Variants in SLC38A10 observed in about 807,000 individuals in gnomAD.
The protein encoded by SLC38A10 is Sodium-coupled neutral amino acid transporter 10.
Under a neutral mutation model 81.0 loss-of-function variants are expected in SLC38A10, and 53 were observed. The ratio of observed to expected loss-of-function variants is 0.65; its 90% CI spans 0.53 to 0.82. SLC38A10 has a LOEUF of 0.82. Ranked by LOEUF, SLC38A10 falls within the 40% of genes least tolerant of loss-of-function variation. The pLI is 0.00. For synonymous variants in SLC38A10, 665 were observed against 655.3 expected, an observed-to-expected ratio of 1.01 and a Z score of -0.23; for missense variants, 1,471 against 1,545.0, an observed-to-expected ratio of 0.95 and a Z score of 0.80.
intron 14 of SLC38A10, among the ~76,000 whole-genome samples, chr17:81,249,562 G>C (rs1471619800): frequency 9.9e-6 from 1 of 100,530 alleles, no homozygotes; most frequent in African/African-American, 4.8e-5. Flanking sequence ...AGAGGGGGAG[G>C]GGGGAAGGAG....
Position 81,248,009 on chromosome 17 carries a change from G to C in SLC38A10, c.2066-948C>G, listed in dbSNP as rs1299922899. Among the ~76,000 whole-genome samples, 8 of 129,310 alleles carry C rather than the reference G, an allele frequency of 6.2e-5. No homozygotes were observed. The South Asian group carries it at 1.0e-3, about 17-fold the overall frequency. 84.8% of individuals were successfully genotyped at this position (129,310 alleles called of 152,430 possible). On this transcript the variant is annotated intron_variant, in intron 14 of 15. Transcript: ENST00000374759. ...GTCTCACTCTGTCACCCAGGCTGGA[G>C]TGCAGTGGCGCGATCTCAGCTCACT...
At position 81,252,214 on chromosome 17, in the gene SLC38A10, G is replaced by A. The variant is rs137924826; in HGVS notation, c.1926C>T (p.Pro642=). The change falls in exon 13 of 16, where the codon CCC becomes CCT. Residue 642 remains proline (P), a synonymous_variant. Transcript: ENST00000374759. ...ACCCACCGTGGTCGCTGTCCTCTGC[G>A]GGCTGCCCTGTGTCCCCGGCGGCGT... ...PGNAAGDTGQ[P]AEDSDHGGKP... 2.3e-3 allele frequency: 3,544 copies of A among 1,524,090 alleles called. 6 individuals are homozygous for A. Among genetic ancestry groups the A allele is most frequent in the Non-Finnish European group, 2.8e-3 (3,213 of 1,140,006 alleles). 94.4% of individuals were successfully genotyped at this position (1,524,090 alleles called of 1,614,324 possible).
intron 1 of SLC38A10, among the ~76,000 whole-genome samples, chr17:81,291,145 G>A (rs1296403062): frequency 1.3e-5 from 2 of 152,110 alleles, no homozygotes; most frequent in East Asian, 3.9e-4. Flanking sequence ...CGGGGGCGCT[G>A]CACTTTCCAG....
rs2063337868 is a variant in SLC38A10, at chr17:81,295,052, GC to G, written c.-132del. 3 of 1,333,378 alleles carry G rather than the reference GC, an allele frequency of 2.2e-6. No individual in the cohort carries two copies. In the African/African-American group the frequency reaches 4.7e-5, roughly 21 times the overall value. The allele number at this position is 1,333,378 out of a possible 1,614,324, so 82.6% of individuals were successfully genotyped here. On this transcript the variant is annotated 5_prime_UTR_variant, in exon 1 of 16. Transcript: ENST00000374759. ...GACGCCGGTGGGGAGGGGATGGGCA[GC>G]CTGAACACGGGAGCCTGAGCAGGCG...
rs2062843461 is a variant in SLC38A10 at position 81,245,797 on chromosome 17, T to A, written c.3119A>T (p.Asp1040Val). ...QRPDNAKPNR[D>V]LKLQAGSDLR... Reference sequence around the variant, plus strand: ...GTCGGAGCCAGCCTGCAGTTTCAGGTCCCGGTTGGGCTTGGCATTGTCCGG... The same window carrying A: ...GTCGGAGCCAGCCTGCAGTTTCAGGACCCGGTTGGGCTTGGCATTGTCCGG... Residue 1040 changes from aspartate to valine, a missense_variant, in exon 16 of 16, where the codon GAC (aspartate) becomes GTC (valine). Physicochemically the swap from Asp to Val is radical, Grantham distance 152. Transcript: ENST00000374759. The A allele has an allele frequency of 6.2e-7, 1 of 1,602,388 alleles. No homozygotes were observed. Among genetic ancestry groups the A allele is most frequent in the African/African-American group, 1.3e-5 (1 of 74,810 alleles).
At chr17:81,280,060 A>G (rs2146941961) in intron 6 of SLC38A10, 1 of 419,324 alleles carries the variant, frequency 2.4e-6, no homozygotes, top group East Asian at 7.5e-5. Context: ...TCAGCCGGTT[A>G]CCATGTTCCA....
intron 14 of SLC38A10, among the ~76,000 whole-genome samples, chr17:81,250,680 A>G (rs572285485): frequency 6.6e-6 from 1 of 152,358 alleles, no homozygotes; most frequent in South Asian, 2.1e-4. Flanking sequence ...CACCAAATGC[A>G]CGTGACTTTT....
rs532846220 is a variant in SLC38A10, at chr17:81,282,390, C to T, written c.358-58G>A. ...GCCCGTGCCTGCTCACCACCGGGCT[C>T]TCTGCACTGACAGGGAGTGGGAGCG... On this transcript the variant is annotated intron_variant, in intron 4 of 15. Transcript: ENST00000374759. The T allele has an allele frequency of 2.5e-5, 39 of 1,554,154 alleles. No individual in the cohort carries two copies. In the African/African-American group the frequency reaches 3.7e-4, roughly 15 times the overall value.
rs1044310219 is a variant in SLC38A10 at position 81,286,154 on chromosome 17, G to T, written c.218-1259C>A. On this transcript the variant is annotated intron_variant, in intron 2 of 15. Coordinates refer to ENST00000374759, the MANE Select transcript of SLC38A10 (RefSeq NM_001037984.3). This position sits in a 1 kb window ranked among gnomAD's most constrained non-coding sequence, Gnocchi z 6.0. ...AACGCCCTCCACACCCCTCAGTGACGGCACAGCCCGGAAGCAACAAAACAC... is the reference window on the plus strand; with the variant it reads ...AACGCCCTCCACACCCCTCAGTGACTGCACAGCCCGGAAGCAACAAAACAC... Among the ~76,000 whole-genome samples the T allele has an allele frequency of 6.6e-6, 1 of 152,170 alleles. No homozygotes were observed. Among genetic ancestry groups the T allele is most frequent in the Non-Finnish European group, 1.5e-5 (1 of 68,024 alleles).
rs890823623 is a variant in SLC38A10 at position 81,281,118 on chromosome 17, A to G, written c.502-385T>C. On this transcript the variant is annotated intron_variant, in intron 5 of 15. Coordinates refer to ENST00000374759, the MANE Select transcript of SLC38A10 (RefSeq NM_001037984.3). This position sits in a 1 kb window ranked among gnomAD's most constrained non-coding sequence, Gnocchi z 5.3. ...CTCCCCATCTTGTACTGTGTTAGAC[A>G]TGGACATTTTCCAAAAGACTGGCCC... is the stretch of plus-strand genomic sequence containing the variant. 1.3e-5 allele frequency among the ~76,000 whole-genome samples: 2 copies of G among 152,174 alleles called. No homozygotes were observed. Among genetic ancestry groups the G allele is most frequent in the African/African-American group, 4.8e-5 (2 of 41,446 alleles).
At chr17:81,251,233 G>A in intron 14 of SLC38A10, 1 of 1,452,524 alleles carries the variant, frequency 6.9e-7, no homozygotes, top group Non-Finnish European at 9.2e-7. Flanking sequence ...GAGCAAGGGA[G>A]ATAAAACGGT....
At chr17:81,263,442 A>T (rs2063041633) in intron 10 of SLC38A10, 1 of 152,364 alleles carries the variant, frequency 6.6e-6, no homozygotes, top group Non-Finnish European at 1.5e-5. Flanking sequence ...CACTCGGGAC[A>T]AGCCCCCGGC....
At chr17:81,249,421 G>A (rs955595835) in intron 14 of SLC38A10, among the ~76,000 whole-genome samples, 2 of 152,102 alleles carry the variant, frequency 1.3e-5, no homozygotes, top group Admixed American at 6.5e-5. Context: ...GAGGGAAGAG[G>A]AGGGAGAAGG....
chr17:81,247,153 A>G, intron 14 of SLC38A10, 92 bp from the exon 15 acceptor site: 1 of 1,344,150 alleles, frequency 7.4e-7, no homozygotes, highest in Non-Finnish European at 9.9e-7. Context: ...GGCAACGCAC[A>G]GGTCACCTGC....
Position 81,281,591 on chromosome 17 carries a change from A to G in SLC38A10, c.501+598T>C, listed in dbSNP as rs555357452. ...GGAGTTCGAGACCAGCCTGGCCAAG[A>G]TGGTGAAACCCCTTCTCTACTAAAA... On this transcript the variant is annotated intron_variant, in intron 5 of 15. Transcript: ENST00000374759. The surrounding 1 kb of genome is among the most constrained non-coding windows in gnomAD (Gnocchi z 5.3). Among the ~76,000 whole-genome samples, 2 of 152,212 alleles carry G rather than the reference A, an allele frequency of 1.3e-5. No individual in the cohort carries two copies. The highest frequency in any genetic ancestry group is 2.1e-4 in the South Asian group (1 of 4,820).
chr17:81,268,672 C>A (rs1375231769), intron 10 of SLC38A10, among the ~76,000 whole-genome samples: 8 of 151,772 alleles, frequency 5.3e-5, no homozygotes, highest in Admixed American at 5.2e-4. Context: ...TAGAAATGTA[C>A]CAACAAGCCA....
At position 81,252,403 on chromosome 17, in the gene SLC38A10, T is replaced by C; in HGVS notation, c.1737A>G (p.Lys579=). 6.2e-7 allele frequency: 1 copy of C among 1,613,182 alleles called. No homozygotes were observed. Among genetic ancestry groups the C allele is most frequent in the Non-Finnish European group, 8.5e-7 (1 of 1,180,012 alleles). ...EAGDLPEDPQ[K]VPEADGQPAV... is the part of the protein sequence containing the mutation. ...CTGGCTGACCATCTGCTTCTGGAAC[T>C]TTCTGGGGATCTTCAGGAAGATCAC... The change falls in exon 13 of 16, where the codon AAA becomes AAG. Residue 579 remains lysine, a synonymous_variant. Coordinates refer to ENST00000374759, the MANE Select transcript of SLC38A10 (RefSeq NM_001037984.3).
chr17:81,280,480 G>A, intron 6 of SLC38A10, 129 bp downstream of exon 6: 1 of 1,399,118 alleles, frequency 7.1e-7, no homozygotes, highest in Non-Finnish European at 9.6e-7. Flanking sequence ...GGTCATCACT[G>A]AACAAGACAT....
chr17:81,253,616 T>C lies in SLC38A10; in HGVS notation c.1289-376A>G, dbSNP rs1189920549. Among the ~76,000 whole-genome samples the C allele has an allele frequency of 1.3e-5, 2 of 150,302 alleles. No homozygotes were observed. Among genetic ancestry groups the C allele is most frequent in the Admixed American group, 6.6e-5 (1 of 15,130 alleles). On this transcript the variant is annotated intron_variant, in intron 11 of 15. Transcript: ENST00000374759. This position sits in a 1 kb window ranked among gnomAD's most constrained non-coding sequence, Gnocchi z 4.1. ...ACCACCACCACCACCATCACCGCTATCATCACCATCATCTCCATCCCTACC... is the reference window on the plus strand; with the variant it reads ...ACCACCACCACCACCATCACCGCTACCATCACCATCATCTCCATCCCTACC...
Sources: allele counts gnomAD v4.1 joint callset (sites outside exome capture counted in the v4.1 genomes callset), GRCh38; gene constraint gnomAD v4.1.1; non-coding constraint Gnocchi (gnomAD v3.1); transcripts MANE v1.5; gene names NCBI Gene and HGNC (gene_info 2026-07-23, HGNC 2026-07-21).